The following CSMD1 variants were observed in gnomAD, a reference collection of about 807,000 sequenced individuals.
CSMD1 encodes the protein CUB and sushi domain-containing protein 1.
CSMD1 carries 213 observed loss-of-function variants against 417.5 expected under a neutral mutation model. That is an observed-to-expected ratio of 0.51 (90% CI 0.46 to 0.57). The LOEUF is 0.57. Ranked by LOEUF, CSMD1 falls within the 20% of genes least tolerant of loss-of-function variation. The pLI is 0.00. For missense variants in CSMD1, 6,923 were observed against 4,529.7 expected (o/e 1.53, Z -15.17); for synonymous variants, 2,862 against 1,736.8 (o/e 1.65, Z -16.11).
intron 1 of CSMD1, among the ~76,000 whole-genome samples, chr8:4,772,179 T>C (rs1175652094): frequency 1.3e-5 from 2 of 152,122 alleles, no homozygotes; most frequent in Admixed American, 1.3e-4. Flanking sequence ...CCTGTTTTCT[T>C]GCTGGCTGAT....
chr8:3,870,702 A>G (rs1225773036), intron 5 of CSMD1, among the ~76,000 whole-genome samples: 1 of 152,098 alleles, frequency 6.6e-6, no homozygotes, highest in African/African-American at 2.4e-5. Flanking sequence ...TATCTGATTT[A>G]TATTCATTTA....
intron 26 of CSMD1, among the ~76,000 whole-genome samples, chr8:3,240,157 G>C (rs1248773130): frequency 6.6e-6 from 1 of 152,242 alleles, no homozygotes; most frequent in South Asian, 2.1e-4. Context: ...AAGGCTACTC[G>C]GTGCGGTCCC....
chr8:4,395,083 C>A (rs529926600), intron 3 of CSMD1, among the ~76,000 whole-genome samples: 2 of 152,182 alleles, frequency 1.3e-5, no homozygotes, highest in Admixed American at 6.5e-5. Flanking sequence ...CTGGCACCTC[C>A]TGCACCCACA....
At chr8:3,019,540 T>C (rs750195848) in intron 51 of CSMD1, among the ~76,000 whole-genome samples, 1 of 152,190 alleles carries the variant, frequency 6.6e-6, no homozygotes, top group African/African-American at 2.4e-5. Flanking sequence ...GCATAATTTG[T>C]TGGGCTCATG....
intron 3 of CSMD1, among the ~76,000 whole-genome samples, chr8:4,161,267 G>C (rs915578672): frequency 6.6e-6 from 1 of 152,124 alleles, no homozygotes; most frequent in African/African-American, 2.4e-5. Flanking sequence ...GTGAGCCTTA[G>C]AAACATTACA....
chr8:4,457,970 C>T (rs1275169209), intron 2 of CSMD1, among the ~76,000 whole-genome samples: 1 of 152,160 alleles, frequency 6.6e-6, no homozygotes, highest in African/African-American at 2.4e-5. Context: ...AGATGTACTT[C>T]TTTGGTTGGT....
intron 1 of CSMD1, among the ~76,000 whole-genome samples, chr8:4,679,807 A>C (rs945800116): frequency 3.3e-5 from 5 of 152,086 alleles, no homozygotes; most frequent in Non-Finnish European, 4.4e-5. Flanking sequence ...AAAATGCATA[A>C]TTATTTTAAA....
chr8:4,303,624 C>T (rs923181162), intron 3 of CSMD1, among the ~76,000 whole-genome samples: 3 of 151,866 alleles, frequency 2.0e-5, no homozygotes, highest in African/African-American at 7.3e-5. Context: ...AGAGTTCTAC[C>T]AGAGGTGACT....
intron 23 of CSMD1, among the ~76,000 whole-genome samples, chr8:3,336,111 A>C (rs1807245215): frequency 6.6e-6 from 1 of 152,136 alleles, no homozygotes; most frequent in Non-Finnish European, 1.5e-5. Flanking sequence ...GAACCATGGA[A>C]CCATGGGCAG....
At chr8:3,257,298 C>A (rs186392676) in intron 26 of CSMD1, among the ~76,000 whole-genome samples, 1 of 152,146 alleles carries the variant, frequency 6.6e-6, no homozygotes, top group African/African-American at 2.4e-5. Flanking sequence ...CACTCCAGCC[C>A]GCGCTATAAG....
intron 15 of CSMD1, among the ~76,000 whole-genome samples, chr8:3,403,067 TGTA>T (rs1585111666): frequency 6.6e-6 from 1 of 152,298 alleles, no homozygotes; most frequent in East Asian, 1.9e-4. Flanking sequence ...GACATTTGCT[TGTA>T]GTTCTATTTT....
intron 12 of CSMD1, among the ~76,000 whole-genome samples, chr8:3,421,768 G>C (rs959609902): frequency 1.3e-5 from 2 of 152,192 alleles, no homozygotes; most frequent in Non-Finnish European, 2.9e-5. Flanking sequence ...CTCCAGAGTA[G>C]CTGGGACTGC....
intron 3 of CSMD1, among the ~76,000 whole-genome samples, chr8:4,417,963 A>G (rs912805963): frequency 6.6e-5 from 10 of 152,046 alleles, no homozygotes; most frequent in Admixed American, 3.9e-4. Flanking sequence ...ACTCTAGATT[A>G]TCTTACCTTA....
intron 15 of CSMD1, among the ~76,000 whole-genome samples, chr8:3,404,685 A>G (rs1812240162): frequency 6.6e-6 from 1 of 152,236 alleles, no homozygotes; most frequent in Non-Finnish European, 1.5e-5. Context: ...AAAATCACCC[A>G]TAACCATAAT....
At chr8:3,196,368 G>T (rs1213761096) in intron 33 of CSMD1, among the ~76,000 whole-genome samples, 2 of 152,076 alleles carry the variant, frequency 1.3e-5, no homozygotes, top group African/African-American at 2.4e-5. Context: ...CAGCTGAGTG[G>T]CCCATGCTGC....
intron 7 of CSMD1, among the ~76,000 whole-genome samples, chr8:3,659,053 C>T (rs1798273653): frequency 6.6e-6 from 1 of 152,126 alleles, no homozygotes; most frequent in African/African-American, 2.4e-5. Flanking sequence ...GCCATTGCAT[C>T]TACTTGAAAT....
At chr8:4,654,964 T>C (rs1804136459) in intron 1 of CSMD1, among the ~76,000 whole-genome samples, 1 of 151,988 alleles carries the variant, frequency 6.6e-6, no homozygotes, top group Admixed American at 6.6e-5. Flanking sequence ...AAAGTTAGTA[T>C]TTTTTAAAAG....
Position 3,110,263 on chromosome 8 carries a change from A to G in CSMD1, c.6503T>C (p.Ile2168Thr). The G allele has an allele frequency of 6.2e-7, 1 of 1,613,564 alleles. No individual in the cohort carries two copies. Among genetic ancestry groups the G allele is most frequent in the Non-Finnish European group, 8.5e-7 (1 of 1,179,728 alleles). Residue 2168 changes from isoleucine (I) to threonine (T), a missense_variant, in exon 43 of 70, where the codon ATC (isoleucine) becomes ACC (threonine). Transcript: ENST00000635120. ...YSPGFPDEYP[I>T]LKDCIWLITV... ...GATGAGCCAAATGCAGTCCTTCAGG[A>G]TCGGATACTCATCAGGAAAGCCAGG...
intron 1 of CSMD1, among the ~76,000 whole-genome samples, chr8:4,951,858 GACC>G (rs67119751): frequency 0.79 from 119,871 of 151,114 alleles, 48,132 homozygotes; most frequent in Admixed American, 0.85. Flanking sequence ...TACACTGAAG[GACC>G]ACCCTGCATA....
Sources: allele counts gnomAD v4.1 joint callset (sites outside exome capture counted in the v4.1 genomes callset), GRCh38; gene constraint gnomAD v4.1.1; transcripts MANE v1.5; gene names NCBI Gene and HGNC (gene_info 2026-07-23, HGNC 2026-07-21).